Variants in LRRC56 observed in about 807,000 individuals in gnomAD.
The protein encoded by LRRC56 is leucine rich repeat containing 56.
Under a neutral mutation model 47.8 loss-of-function variants are expected in LRRC56, and 41 were observed. That is an observed-to-expected ratio of 0.86 (90% CI 0.67 to 1.11). The LOEUF (loss-of-function observed/expected upper bound fraction) is 1.11. Among genes scored for constraint, LRRC56 ranks in the 50% most tolerant of loss-of-function variants. The pLI is 0.00. For synonymous variants in LRRC56, 387 were observed against 311.2 expected, an observed-to-expected ratio of 1.24 and a Z score of -2.56; for missense variants, 759 against 704.2, an observed-to-expected ratio of 1.08 and a Z score of -0.88.
chr11:537,532 AG>A lies in LRRC56; in HGVS notation c.-493del, dbSNP rs1851572114. ...GGCGGCCGGAAGAACAGCCTGGAGTAGGAGACAGCGCCTGGAGGTGGAGGGC... is the reference window on the plus strand; with the variant it reads ...GGCGGCCGGAAGAACAGCCTGGAGTAGAGACAGCGCCTGGAGGTGGAGGGC... On this transcript the variant is annotated 5_prime_UTR_variant, in exon 1 of 14. Coordinates refer to ENST00000270115, the MANE Select transcript of LRRC56 (RefSeq NM_198075.4). 1 of 152,320 alleles carries A rather than the reference AG, an allele frequency of 6.6e-6. No individual in the cohort carries two copies. Among genetic ancestry groups the A allele is most frequent in the African/African-American group, 2.4e-5 (1 of 41,472 alleles). 9.4% of individuals were successfully genotyped at this position (152,320 alleles called of 1,614,324 possible).
the LRRC56 span, among the ~76,000 whole-genome samples, chr11:508,152 C>T: frequency 7.9e-5 from 12 of 152,236 alleles, no homozygotes; most frequent in South Asian, 2.1e-4. Flanking sequence ...CTAAACCTCT[C>T]CTCTGACTGC....
intron 13 of LRRC56, among the ~76,000 whole-genome samples, chr11:553,427 G>A (rs1852538746): frequency 6.6e-6 from 1 of 152,162 alleles, no homozygotes; most frequent in South Asian, 2.1e-4. Flanking sequence ...TGTCTGTGGA[G>A]GGGGCAGACA....
chr11:534,389 C>T, upstream of LRRC56: 3 of 1,333,374 alleles, frequency 2.2e-6, no homozygotes, highest in Non-Finnish European at 3.2e-6. Context: ...CCAAGGAGGG[C>T]CCTGCTCAGC....
At chr11:515,997 G>A in the LRRC56 span, among the ~76,000 whole-genome samples, 694 of 152,266 alleles carry the variant, frequency 4.6e-3, 4 homozygotes, top group African/African-American at 0.016. Flanking sequence ...AAAATCAGTT[G>A]AGCATGTATG....
chr11:507,562 A>C, the LRRC56 span, among the ~76,000 whole-genome samples: 1 of 151,910 alleles, frequency 6.6e-6, no homozygotes, highest in Non-Finnish European at 1.5e-5. Flanking sequence ...CCTCGGAGGA[A>C]GAGGCCGGGG....
In LRRC56 at chr11:551,196, C is replaced by T. The variant is rs774783779; in HGVS notation, c.690C>T (p.Asp230=). 5.2e-6 allele frequency: 8 copies of T among 1,546,692 alleles called. No homozygotes were observed. Among genetic ancestry groups the T allele is most frequent in the Admixed American group, 3.9e-5 (2 of 50,824 alleles). ...TCATTCCCCAGCTGCAGGTCCTGGA[C>T]GAAGTGCCGGCCGCACACACAGGCC... The part of the protein sequence containing the change: ...RKLIPQLQVL[D]EVPAAHTGPP... The change falls in exon 9 of 14, where the codon GAC becomes GAT. Residue 230 remains aspartate, a synonymous_variant. Transcript: ENST00000270115.
chr11:535,229 C>A (rs992176642), upstream of LRRC56: 6 of 149,772 alleles, frequency 4.0e-5, no homozygotes, highest in South Asian at 1.8e-4. Flanking sequence ...GGGGCCCCCG[C>A]CCGCCGCAGC....
rs1295472307 is a variant in LRRC56 at position 554,448 on chromosome 11, A to G, written c.*172A>G. On this transcript the variant is annotated 3_prime_UTR_variant, in exon 14 of 14. Transcript: ENST00000270115. ...GGGGACTGGGACCAGCCAGGGAGGC[A>G]GCAGAGGCTGGAACCCAGTTTAGGC... 3 of 551,744 alleles carry G rather than the reference A, an allele frequency of 5.4e-6. No individual in the cohort carries two copies. The highest frequency in any genetic ancestry group is 8.6e-6 in the Non-Finnish European group (3 of 348,906). 34.2% of individuals were successfully genotyped at this position (551,744 alleles called of 1,614,324 possible).
chr11:525,342 A>G, the LRRC56 span, among the ~76,000 whole-genome samples: 10 of 152,018 alleles, frequency 6.6e-5, no homozygotes, highest in East Asian at 1.9e-4. Flanking sequence ...GATCGAGACC[A>G]TCCTGGCTAA....
intron 6 of LRRC56, among the ~76,000 whole-genome samples, chr11:548,497 G>A (rs10902169): frequency 3.3e-5 from 5 of 152,104 alleles, no homozygotes; most frequent in Non-Finnish European, 5.9e-5. Flanking sequence ...TCGCTCTGTC[G>A]TCCAGGCTGG....
At chr11:546,049 TC>T (rs761081878) in intron 6 of LRRC56, among the ~76,000 whole-genome samples, 4 of 152,118 alleles carry the variant, frequency 2.6e-5, no homozygotes, top group Non-Finnish European at 5.9e-5. Flanking sequence ...GGTGGGCAGA[TC>T]ACCTGAGGTC....
At chr11:530,363 T>C in the LRRC56 span, among the ~76,000 whole-genome samples, 1 of 152,334 alleles carries the variant, frequency 6.6e-6, no homozygotes, top group South Asian at 2.1e-4. Context: ...GCTCCTGGCC[T>C]CGGGAAGTCT....
rs766919079 is a variant in LRRC56 at position 550,054 on chromosome 11, G to A, written c.424-18G>A. The A allele has an allele frequency of 6.2e-7, 1 of 1,611,404 alleles. No homozygotes were observed. The highest frequency in any genetic ancestry group is 8.5e-7 in the Non-Finnish European group (1 of 1,178,522). ...CTGGGCTGGGCCGGGCCCTGGCTCAGAGCCCCGCGCTGCCCAGGAACTCTA... is the reference window on the plus strand; with the variant it reads ...CTGGGCTGGGCCGGGCCCTGGCTCAAAGCCCCGCGCTGCCCAGGAACTCTA... On this transcript the variant is annotated intron_variant, in intron 7 of 13. Coordinates refer to ENST00000270115, the MANE Select transcript of LRRC56 (RefSeq NM_198075.4).
chr11:526,921 A>G, the LRRC56 span, among the ~76,000 whole-genome samples: 1 of 150,994 alleles, frequency 6.6e-6, no homozygotes, highest in Admixed American at 6.6e-5. Context: ...TGGGCGACAG[A>G]GCGAGACACC....
chr11:537,754 C>T (rs996070932), intron 1 of LRRC56, 149 bp downstream of exon 1: 18 of 152,270 alleles, frequency 1.2e-4, no homozygotes, highest in African/African-American at 3.6e-4. Context: ...CAGATCTGGT[C>T]CCCTGAGGAC....
At chr11:512,262 G>C in the LRRC56 span, among the ~76,000 whole-genome samples, 1 of 151,598 alleles carries the variant, frequency 6.6e-6, no homozygotes, top group Non-Finnish European at 1.5e-5. Context: ...TTGAGATGGA[G>C]TCTCGCTCTG....
chr11:543,939 G>A (rs1418932897), intron 5 of LRRC56, among the ~76,000 whole-genome samples: 12 of 152,062 alleles, frequency 7.9e-5, no homozygotes, highest in Non-Finnish European at 1.5e-4. Flanking sequence ...TAGTAGAGAC[G>A]GGGTTTCACC....
At chr11:548,819 C>G (rs12222719) in intron 6 of LRRC56, among the ~76,000 whole-genome samples, 26 of 152,180 alleles carry the variant, frequency 1.7e-4, no homozygotes, top group Admixed American at 1.7e-3. Context: ...ACAGTGGACA[C>G]TGGAACGAAA....
the LRRC56 span, among the ~76,000 whole-genome samples, chr11:527,502 A>G: frequency 6.6e-6 from 1 of 151,988 alleles, no homozygotes; most frequent in Non-Finnish European, 1.5e-5. Context: ...AGAGTCATGC[A>G]CTTGGCAAAA....
Sources: allele counts gnomAD v4.1 joint callset (sites outside exome capture counted in the v4.1 genomes callset), GRCh38; gene constraint gnomAD v4.1.1; transcripts MANE v1.5; gene names NCBI Gene and HGNC (gene_info 2026-07-23, HGNC 2026-07-21).